The following CNBD1 variants were observed in gnomAD, a reference collection of about 807,000 sequenced individuals.
The protein encoded by CNBD1 is cyclic nucleotide-binding domain-containing protein 1.
CNBD1 carries 71 observed loss-of-function variants against 54.4 expected under a neutral mutation model. That is an observed-to-expected ratio of 1.30 (90% CI 1.08 to 1.59). The LOEUF (loss-of-function observed/expected upper bound fraction) is 1.59. Ranked by LOEUF, CNBD1 falls within the 40% of genes most tolerant of loss-of-function variation. The pLI is 0.00. For missense variants in CNBD1, 659 were observed against 518.0 expected (o/e 1.27, Z -2.64); for synonymous variants, 182 against 170.7 (o/e 1.07, Z -0.51).
intron 5 of CNBD1, among the ~76,000 whole-genome samples, chr8:87,215,587 C>CAA (rs548146567): frequency 1.4e-3 from 88 of 63,532 alleles, no homozygotes; most frequent in African/African-American, 3.5e-3. Flanking sequence ...GACTCCTTCT[C>CAA]AAAAAAAAAA....
intron 4 of CNBD1, among the ~76,000 whole-genome samples, chr8:87,070,723 A>AG (rs1810743414): frequency 6.6e-6 from 1 of 152,030 alleles, no homozygotes; most frequent in Admixed American, 6.6e-5. Flanking sequence ...GGGGTGATTA[A>AG]GGGAAATACA....
chr8:86,950,991 C>T lies in CNBD1; in HGVS notation c.431+11237C>T, dbSNP rs142511730. On this transcript the variant is annotated intron_variant, in intron 4 of 10. Transcript: ENST00000518476. ...AAGGATCATAGTGACTACTAATGAT[C>T]CTTTGAATTTCTGCAGTATCAGATG... Among the ~76,000 whole-genome samples, 358 of 151,946 alleles carry T rather than the reference C, an allele frequency of 2.4e-3. 1 individual carries two copies. The highest frequency in any genetic ancestry group is 7.5e-3 in the African/African-American group (312 of 41,490).
At chr8:87,366,839 G>A (rs1008049495) in intron 10 of CNBD1, among the ~76,000 whole-genome samples, 16 of 152,102 alleles carry the variant, frequency 1.1e-4, no homozygotes, top group Non-Finnish European at 1.8e-4. Context: ...AAGAAAGGAA[G>A]TGAAAATGTT....
intron 6 of CNBD1, among the ~76,000 whole-genome samples, chr8:87,260,632 G>T (rs1447442870): frequency 6.6e-6 from 1 of 152,092 alleles, no homozygotes; most frequent in Non-Finnish European, 1.5e-5. Flanking sequence ...TTACCCTTTT[G>T]CCAGGATGCC....
intron 4 of CNBD1, among the ~76,000 whole-genome samples, chr8:87,035,358 T>A (rs1407950524): frequency 1.3e-5 from 2 of 152,154 alleles, no homozygotes; most frequent in African/African-American, 4.8e-5. Context: ...CAACATTAGA[T>A]TGGATATTTT....
chr8:87,421,102 T>G (rs1807926539), intron 2 of CNBD1, among the ~76,000 whole-genome samples: 1 of 152,056 alleles, frequency 6.6e-6, no homozygotes, highest in Non-Finnish European at 1.5e-5. Context: ...AGATATTTTT[T>G]CAATATAGTT....
intron 2 of CNBD1, among the ~76,000 whole-genome samples, chr8:86,887,912 CTGAA>C (rs1342316482): frequency 6.6e-6 from 1 of 152,100 alleles, no homozygotes; most frequent in East Asian, 1.9e-4. Context: ...AACACACATA[CTGAA>C]TGAAATAAGT....
chr8:87,162,457 G>A (rs1812877586), intron 4 of CNBD1, among the ~76,000 whole-genome samples: 2 of 151,958 alleles, frequency 1.3e-5, no homozygotes, highest in Non-Finnish European at 2.9e-5. Context: ...CTAGCATAAA[G>A]TTTATTTTTT....
intron 4 of CNBD1, among the ~76,000 whole-genome samples, chr8:87,077,401 T>C: frequency 7.2e-6 from 1 of 139,464 alleles, no homozygotes; most frequent in East Asian, 2.0e-4. Context: ...AGGCCTCTTC[T>C]TCTTCTTCTT....
chr8:87,290,514 T>G (rs1386288807), intron 8 of CNBD1, among the ~76,000 whole-genome samples: 1 of 152,210 alleles, frequency 6.6e-6, no homozygotes, highest in Admixed American at 6.6e-5. Flanking sequence ...ATAAGAAATA[T>G]GCATTTCTCC....
At chr8:87,319,803 A>G (rs1809480904) in intron 8 of CNBD1, among the ~76,000 whole-genome samples, 1 of 152,112 alleles carries the variant, frequency 6.6e-6, no homozygotes, top group Non-Finnish European at 1.5e-5. Flanking sequence ...AAGCGTTTCT[A>G]TATAGCTCAT....
chr8:87,393,830 G>T (rs765288391), intron 2 of CNBD1, among the ~76,000 whole-genome samples: 1 of 151,764 alleles, frequency 6.6e-6, no homozygotes, highest in Non-Finnish European at 1.5e-5. Flanking sequence ...TACATTAATG[G>T]AAGAGAGACA....
At chr8:86,923,906 A>G (rs1809316750) in intron 3 of CNBD1, among the ~76,000 whole-genome samples, 1 of 152,184 alleles carries the variant, frequency 6.6e-6, no homozygotes, top group African/African-American at 2.4e-5. Flanking sequence ...ATGGATTTCC[A>G]TGGGACTGTA....
At chr8:87,096,726 C>T (rs1196978156) in intron 4 of CNBD1, among the ~76,000 whole-genome samples, 1 of 151,912 alleles carries the variant, frequency 6.6e-6, no homozygotes, top group Non-Finnish European at 1.5e-5. Context: ...AACCAGAAAA[C>T]AGGTTCAGGG....
chr8:87,176,797 A>C (rs1813209225), intron 4 of CNBD1, among the ~76,000 whole-genome samples: 1 of 151,820 alleles, frequency 6.6e-6, no homozygotes, highest in African/African-American at 2.4e-5. Flanking sequence ...CTTTGCTAGT[A>C]TTTTTAATAC....
intron 4 of CNBD1, among the ~76,000 whole-genome samples, chr8:87,036,594 T>TAAAAAA (rs58299323): frequency 0.01 from 667 of 64,710 alleles, 22 homozygotes; most frequent in African/African-American, 0.038. Context: ...ACTGCATCTC[T>TAAAAAA]AAAAAAAAAA....
intron 3 of CNBD1, among the ~76,000 whole-genome samples, chr8:86,922,330 A>AAAGAGAAG (rs1164017555): frequency 6.6e-6 from 1 of 152,084 alleles, no homozygotes; most frequent in Non-Finnish European, 1.5e-5. Flanking sequence ...AAAGGAAGAG[A>AAAGAGAAG]AAGAGAAGAA....
intron 4 of CNBD1, among the ~76,000 whole-genome samples, chr8:87,026,644 A>G (rs962331168): frequency 2.6e-5 from 4 of 152,126 alleles, no homozygotes; most frequent in Non-Finnish European, 4.4e-5. Context: ...CTCTAAAAAA[A>G]TTTTCTTTTC....
intron 4 of CNBD1, among the ~76,000 whole-genome samples, chr8:87,100,431 C>T (rs986906432): frequency 6.6e-6 from 1 of 152,180 alleles, no homozygotes; most frequent in East Asian, 1.9e-4. Context: ...TGTATTGTCT[C>T]ATAGTACTTC....
Sources: gnomAD v4.1 joint callset for allele counts (sites outside exome capture counted in the v4.1 genomes callset) on GRCh38, gnomAD v4.1.1 for gene constraint, MANE v1.5 for transcripts, NCBI Gene and HGNC (gene_info 2026-07-23, HGNC 2026-07-21) for gene names.